The following DNAH17 variants were observed in gnomAD, a reference collection of about 807,000 sequenced individuals.
DNAH17 encodes the protein dynein axonemal heavy chain 17.
Under a neutral mutation model 485.6 loss-of-function variants are expected in DNAH17, and 376 were observed. That is an observed-to-expected ratio of 0.77 (90% confidence interval 0.71 to 0.84). The LOEUF (loss-of-function observed/expected upper bound fraction) is 0.84. DNAH17 is among the 40% of genes least tolerant of loss of function. The pLI is 0.00. For synonymous variants in DNAH17, 3,031 were observed against 2,405.9 expected (o/e 1.26, Z -7.60); for missense variants, 6,370 against 5,839.3 (o/e 1.09, Z -2.96).
chr17:78,508,785 C>T (rs897278009), intron 27 of DNAH17, among the ~76,000 whole-genome samples: 2 of 151,848 alleles, frequency 1.3e-5, no homozygotes, highest in African/African-American at 4.8e-5. Flanking sequence ...TTTGTTAATT[C>T]TATTTTTTAT....
At chr17:78,575,986 C>T (rs1318090018) in intron 1 of DNAH17, among the ~76,000 whole-genome samples, 9 of 152,214 alleles carry the variant, frequency 5.9e-5, no homozygotes, top group African/African-American at 2.2e-4. Flanking sequence ...TGCAAAGGGT[C>T]GCCTGATGCT....
chr17:78,472,005 T>C (rs2088774758), intron 54 of DNAH17, among the ~76,000 whole-genome samples: 1 of 152,272 alleles, frequency 6.6e-6, no homozygotes, highest in East Asian at 1.9e-4. Context: ...ATGGTGCTAC[T>C]GAAGCTGGAT....
intron 9 of DNAH17, among the ~76,000 whole-genome samples, chr17:78,568,900 T>TA (rs1361198799): frequency 2.6e-5 from 4 of 152,322 alleles, no homozygotes; most frequent in Admixed American, 2.0e-4. Context: ...CGTGGGGGTT[T>TA]AACTTATCAG....
Position 78,450,296 on chromosome 17 carries a change from G to A in DNAH17, c.10998C>T (p.Asn3666=), listed in dbSNP as rs137859622. 124 of 1,614,002 alleles carry A rather than the reference G, an allele frequency of 7.7e-5. No individual in the cohort carries two copies. In the African/African-American group the frequency reaches 1.3e-3, roughly 18 times the overall value. The change falls in exon 68 of 81, where the codon AAC becomes AAT. Residue 3666 remains asparagine, a synonymous_variant. Coordinates refer to ENST00000389840, the MANE Select transcript of DNAH17 (RefSeq NM_173628.4). ...AGACGGGGTTGATTTTGTTGAGATCGTTCAGTATGAAGTAGAGCAGAGATG... is the reference window on the plus strand; with the variant it reads ...AGACGGGGTTGATTTTGTTGAGATCATTCAGTATGAAGTAGAGCAGAGATG... ...ERASLLYFIL[N]DLNKINPVYQ...
intron 78 of DNAH17, 148 bp from the exon 79 acceptor site, chr17:78,426,748 T>G: frequency 1.5e-6 from 2 of 1,319,760 alleles, no homozygotes; most frequent in Non-Finnish European, 2.1e-6. Flanking sequence ...AAGCGCTTCC[T>G]GCTAAGGAAC....
chr17:78,447,277 C>T (rs1287532949), intron 69 of DNAH17, among the ~76,000 whole-genome samples: 1 of 152,166 alleles, frequency 6.6e-6, no homozygotes, highest in East Asian at 1.9e-4. Context: ...TGCTGATGTA[C>T]AGGAATGTGG....
rs539702109 is a variant in DNAH17 at position 78,427,628 on chromosome 17, C to T, written c.12589-520G>A. Among the ~76,000 whole-genome samples the T allele has an allele frequency of 4.2e-4, 64 of 152,242 alleles. No individual in the cohort carries two copies. The South Asian group carries it at 0.01, about 24-fold the overall frequency. On this transcript the variant is annotated intron_variant, in intron 77 of 80. Transcript: ENST00000389840. Reference sequence around the variant, plus strand: ...CTCACATCAAGAATTCAGTCTTTACCGGGAAGTCCTGTACTTAGCTAGTAC... The same window carrying T: ...CTCACATCAAGAATTCAGTCTTTACTGGGAAGTCCTGTACTTAGCTAGTAC...
intron 35 of DNAH17, 195 bp downstream of exon 35, chr17:78,500,989 G>A (rs559263733): frequency 1.9e-4 from 103 of 545,996 alleles, no homozygotes; most frequent in Non-Finnish European, 2.9e-4. Context: ...AGGGGTGCAG[G>A]AACTCTCCCA....
At chr17:78,549,291 T>C (rs1159622227) in intron 16 of DNAH17, among the ~76,000 whole-genome samples, 1 of 151,640 alleles carries the variant, frequency 6.6e-6, no homozygotes, top group Non-Finnish European at 1.5e-5. Flanking sequence ...AACCTCTCTC[T>C]ACTACGTGAG....
At chr17:78,576,213 C>CAG (rs1024384275) in intron 1 of DNAH17, among the ~76,000 whole-genome samples, 1 of 152,228 alleles carries the variant, frequency 6.6e-6, no homozygotes, top group Non-Finnish European at 1.5e-5. Context: ...TAACAGCCTA[C>CAG]AGTTCCCCAA....
intron 74 of DNAH17, among the ~76,000 whole-genome samples, chr17:78,436,164 C>T (rs764525216): frequency 1.2e-4 from 18 of 152,186 alleles, no homozygotes; most frequent in South Asian, 1.0e-3. Flanking sequence ...TGGTGGCTCA[C>T]GCCTGTAATC....
intron 14 of DNAH17, among the ~76,000 whole-genome samples, chr17:78,553,443 A>G (rs2091954527): frequency 6.6e-6 from 1 of 151,710 alleles, no homozygotes; most frequent in African/African-American, 2.4e-5. Flanking sequence ...CTGGGACTAT[A>G]GGCATGCGCC....
chr17:78,509,318 C>G (rs998088754), intron 27 of DNAH17, among the ~76,000 whole-genome samples: 1 of 151,878 alleles, frequency 6.6e-6, no homozygotes, highest in South Asian at 2.1e-4. Context: ...TGGGGTCTGC[C>G]TATGTTGCCC....
rs1310786147 is a variant in DNAH17 at position 78,428,587 on chromosome 17, G to A, written c.12526C>T (p.Leu4176=). The change falls in exon 77 of 81, where the codon CTG becomes TTG. Residue 4176 remains leucine, a synonymous_variant. Coordinates refer to ENST00000389840, the MANE Select transcript of DNAH17 (RefSeq NM_173628.4). ...TCCGTCTCTTTTGGCTGCATTTCCA[G>A]GACAGTGCGGAACAGCTTCTCTGAG... ...VTSEKLFRTV[L]EMQPKETDSG... is the part of the protein sequence containing the mutation. The A allele has an allele frequency of 1.9e-6, 3 of 1,613,802 alleles. No homozygotes were observed. The highest frequency in any genetic ancestry group is 2.5e-6 in the Non-Finnish European group (3 of 1,179,902).
At chr17:78,488,024 C>A (rs2089688241) in intron 44 of DNAH17, among the ~76,000 whole-genome samples, 1 of 152,194 alleles carries the variant, frequency 6.6e-6, no homozygotes, top group Admixed American at 6.5e-5. Flanking sequence ...AATTCCAAGT[C>A]CAGTTGGTCT....
At chr17:78,518,638 C>T (rs1598629101) in intron 25 of DNAH17, among the ~76,000 whole-genome samples, 1 of 152,134 alleles carries the variant, frequency 6.6e-6, no homozygotes, top group East Asian at 1.9e-4. Flanking sequence ...ACAACACAAC[C>T]AACTGACAGG....
chr17:78,543,626 C>G (rs1197928033), intron 17 of DNAH17: 1 of 602,038 alleles, frequency 1.7e-6, no homozygotes, highest in Non-Finnish European at 2.9e-6. Flanking sequence ...GGTTTCACCA[C>G]GTTGGTCAAG....
In DNAH17 at chr17:78,458,603, C is replaced by G. The variant is rs754237398; in HGVS notation, c.9939G>C (p.Glu3313Asp). 1 of 1,614,008 alleles carries G rather than the reference C, an allele frequency of 6.2e-7. No homozygotes were observed. Among genetic ancestry groups the G allele is most frequent in the South Asian group, 1.1e-5 (1 of 91,084 alleles). The change falls in exon 62 of 81, where the codon GAG becomes GAC. Residue 3313 changes from glutamate to aspartate, a missense_variant. Transcript: ENST00000389840. ...ATAEKIKCQQEADATNRVILL... is the reference protein window; with the variant it reads ...ATAEKIKCQQDADATNRVILL... ...AGATCACCCTGTTCGTGGCATCGGC[C>G]TCTTGCTGACACTTGATTTTCTCAG...
Position 78,539,787 on chromosome 17 carries a change from G to C in DNAH17, c.2626C>G (p.Gln876Glu), listed in dbSNP as rs770949822. 6.2e-7 allele frequency: 1 copy of C among 1,611,822 alleles called. No homozygotes were observed. The highest frequency in any genetic ancestry group is 1.1e-5 in the South Asian group (1 of 90,860). ...IDDMVLDEFD[Q>E]FIRKSLSFLM... ...AAACTCAGAGATTTGCGAATGAACT[G>C]GTCAAATTCATCTAAGACCATGTCG... is the stretch of plus-strand genomic sequence containing the variant. The change falls in exon 18 of 81, where the codon CAG (glutamine) becomes GAG (glutamate). Residue 876 changes from glutamine (Q) to glutamate (E), a missense_variant. Coordinates refer to ENST00000389840, the MANE Select transcript of DNAH17 (RefSeq NM_173628.4).
Sources: gnomAD v4.1 joint callset for allele counts (sites outside exome capture counted in the v4.1 genomes callset) on GRCh38, gnomAD v4.1.1 for gene constraint, MANE v1.5 for transcripts, NCBI Gene and HGNC (gene_info 2026-07-23, HGNC 2026-07-21) for gene names.